The following ANO2 variants were observed in gnomAD, a reference collection of about 807,000 sequenced individuals.
ANO2 encodes the protein anoctamin-2.
Under a neutral mutation model 124.2 loss-of-function variants are expected in ANO2, and 101 were observed. That is an observed-to-expected ratio of 0.81 (90% confidence interval 0.69 to 0.96). The LOEUF is 0.96. Ranked by LOEUF, ANO2 falls within the 40% of genes least tolerant of loss-of-function variation. The probability of loss-of-function intolerance (pLI) is 0.00; values close to 1 mark genes in which losing one functional copy is unlikely to be tolerated. For synonymous variants in ANO2, 486 were observed against 482.5 expected (o/e 1.01, Z -0.09); for missense variants, 1,293 against 1,274.5 (o/e 1.01, Z -0.22).
At chr12:5,796,840 C>T (rs1360449130) in intron 10 of ANO2, among the ~76,000 whole-genome samples, 2 of 152,178 alleles carry the variant, frequency 1.3e-5, no homozygotes, top group African/African-American at 2.4e-5. Context: ...GAGCTAGTTC[C>T]GGGGCCTTCC....
chr12:5,763,288 G>A (rs1444784141), intron 10 of ANO2, among the ~76,000 whole-genome samples: 5 of 151,980 alleles, frequency 3.3e-5, no homozygotes, highest in Admixed American at 3.3e-4. Context: ...AATTATGTGA[G>A]CATATTAACA....
At chr12:5,630,502 A>C (rs1945663145) in intron 16 of ANO2, among the ~76,000 whole-genome samples, 1 of 152,200 alleles carries the variant, frequency 6.6e-6, no homozygotes, top group Non-Finnish European at 1.5e-5. Flanking sequence ...CCATTGTGTC[A>C]GCTTTGCCTT....
chr12:5,861,775 G>A (rs1367591393), intron 3 of ANO2, among the ~76,000 whole-genome samples: 6 of 152,140 alleles, frequency 3.9e-5, no homozygotes, highest in African/African-American at 1.4e-4. Flanking sequence ...GACATCACCA[G>A]CGCCCCCACC....
chr12:5,621,313 G>A (rs970716145), intron 16 of ANO2, among the ~76,000 whole-genome samples: 1 of 152,200 alleles, frequency 6.6e-6, no homozygotes, highest in African/African-American at 2.4e-5. Flanking sequence ...CAGGAAAAAT[G>A]TGTTTGGAAG....
chr12:5,671,150 T>C (rs1217953359), intron 14 of ANO2, among the ~76,000 whole-genome samples: 2 of 152,084 alleles, frequency 1.3e-5, no homozygotes, highest in African/African-American at 4.8e-5. Flanking sequence ...GGGGAACAGC[T>C]CCCCACCTTC....
At chr12:5,917,027 G>T (rs985648574) in intron 3 of ANO2, among the ~76,000 whole-genome samples, 2 of 152,158 alleles carry the variant, frequency 1.3e-5, no homozygotes, top group African/African-American at 2.4e-5. Context: ...GTCACCTGGA[G>T]TAGCCTCATG....
intron 14 of ANO2, among the ~76,000 whole-genome samples, chr12:5,681,163 C>T (rs919801048): frequency 1.3e-5 from 2 of 152,196 alleles, no homozygotes; most frequent in African/African-American, 4.8e-5. Context: ...AGGAAAGAGA[C>T]TCCAGGTAAA....
At chr12:5,924,779 C>T (rs879562418) in intron 1 of ANO2, among the ~76,000 whole-genome samples, 1 of 152,178 alleles carries the variant, frequency 6.6e-6, no homozygotes, top group Non-Finnish European at 1.5e-5. Context: ...ATTCCCACAG[C>T]CTCCCTCTTT....
chr12:5,658,437 T>G lies in ANO2; in HGVS notation c.1546-10636A>C, dbSNP rs78805612. On this transcript the variant is annotated intron_variant, in intron 14 of 24. Transcript: ENST00000682330. This position sits in a 1 kb window ranked among gnomAD's most constrained non-coding sequence, Gnocchi z 4.3. ...ATCATCATAACCATACCATCAAAAT[T>G]AACATAATCATCAACATCATCATCA... Among the ~76,000 whole-genome samples the G allele has an allele frequency of 8.4e-6, 1 of 118,658 alleles. No individual in the cohort carries two copies. Among genetic ancestry groups the G allele is most frequent in the Non-Finnish European group, 1.8e-5 (1 of 54,368 alleles). The allele number at this position is 118,658 out of a possible 152,430, so 77.8% of individuals were successfully genotyped here. A position where few individuals can be genotyped will look rare whatever the true frequency, so the allele number is the denominator to read the frequency against.
intron 15 of ANO2, among the ~76,000 whole-genome samples, chr12:5,638,375 A>T (rs534392510): frequency 1.3e-5 from 2 of 148,736 alleles, no homozygotes; most frequent in South Asian, 4.5e-4. Flanking sequence ...AGCTGGGGCT[A>T]CAGGCACCTG....
At chr12:5,859,620 C>T (rs1166154882) in intron 3 of ANO2, among the ~76,000 whole-genome samples, 1 of 152,016 alleles carries the variant, frequency 6.6e-6, no homozygotes, top group Admixed American at 6.6e-5. Flanking sequence ...ACTGCAACCA[C>T]CTCCCAGGTT....
rs535734462 is a variant in ANO2, at chr12:5,658,649, TATC to T, written c.1546-10851_1546-10849del. Among the ~76,000 whole-genome samples, 1,199 of 146,498 alleles carry T rather than the reference TATC, an allele frequency of 8.2e-3. 9 individuals carry two copies. Among genetic ancestry groups the T allele is most frequent in the African/African-American group, 0.019 (743 of 39,402 alleles). The stretch of plus-strand genomic sequence containing the variant: ...ACATCAATATTATCATTGTCATCAA[TATC>T]ATCATCATCATCATCAACATCATTA... On this transcript the variant is annotated intron_variant, in intron 14 of 24. Transcript: ENST00000682330. This position sits in a 1 kb window ranked among gnomAD's most constrained non-coding sequence, Gnocchi z 4.3.
At chr12:5,656,318 C>T (rs955470235) in intron 14 of ANO2, among the ~76,000 whole-genome samples, 1 of 152,196 alleles carries the variant, frequency 6.6e-6, no homozygotes, top group Non-Finnish European at 1.5e-5. Flanking sequence ...ATGTCCTAAG[C>T]TCAAATGTCA....
At chr12:5,784,112 C>T (rs900488558) in intron 10 of ANO2, among the ~76,000 whole-genome samples, 2 of 152,162 alleles carry the variant, frequency 1.3e-5, no homozygotes, top group African/African-American at 4.8e-5. Context: ...AACCCCTCAA[C>T]AATTGTGCTT....
At chr12:5,760,813 T>C (rs1171145648) in intron 10 of ANO2, among the ~76,000 whole-genome samples, 2 of 152,050 alleles carry the variant, frequency 1.3e-5, no homozygotes, top group Non-Finnish European at 2.9e-5. Flanking sequence ...TCCCAGAAAA[T>C]CCTTTAAACG....
chr12:5,569,679 A>G (rs1941983681), intron 23 of ANO2, among the ~76,000 whole-genome samples: 1 of 152,158 alleles, frequency 6.6e-6, no homozygotes, highest in Admixed American at 6.5e-5. Context: ...CTGAGCATAG[A>G]GGAGCTGTCT....
In ANO2 at chr12:5,697,501, G is replaced by A. The variant is rs571183048; in HGVS notation, c.1545+35019C>T. Among the ~76,000 whole-genome samples, 34 of 152,200 alleles carry A rather than the reference G, an allele frequency of 2.2e-4. No homozygotes were observed. In the South Asian group the frequency reaches 6.7e-3, roughly 30 times the overall value. The stretch of plus-strand genomic sequence containing the variant: ...GTTCCAAGATGGCTGAATAGGAACA[G>A]CTCCAGTCTACAGCTCCCAGCATGA... On this transcript the variant is annotated intron_variant, in intron 14 of 24. Coordinates refer to ENST00000682330, the MANE Select transcript of ANO2 (RefSeq NM_001364791.2).
At chr12:5,766,591 A>T (rs1951896922) in intron 10 of ANO2, among the ~76,000 whole-genome samples, 2 of 152,166 alleles carry the variant, frequency 1.3e-5, no homozygotes, top group South Asian at 4.1e-4. Flanking sequence ...GGTGCTGATA[A>T]TGTTTTTCCT....
chr12:5,609,303 A>C (rs1042512861), intron 19 of ANO2, among the ~76,000 whole-genome samples: 37 of 152,254 alleles, frequency 2.4e-4, no homozygotes, highest in African/African-American at 8.4e-4. Flanking sequence ...TGGCTTAGGC[A>C]GGGAGGTGGA....
Sources: allele counts gnomAD v4.1 joint callset (sites outside exome capture counted in the v4.1 genomes callset), GRCh38; gene constraint gnomAD v4.1.1; non-coding constraint Gnocchi (gnomAD v3.1); transcripts MANE v1.5; gene names NCBI Gene and HGNC (gene_info 2026-07-23, HGNC 2026-07-21).